Variants in BAHD1 observed in about 807,000 individuals in gnomAD.
BAHD1 encodes bromo adjacent homology domain containing 1.
BAHD1 carries 20 observed loss-of-function variants against 63.1 expected under a neutral mutation model. The ratio of observed to expected loss-of-function variants is 0.32; its 90% CI spans 0.22 to 0.46. The LOEUF (loss-of-function observed/expected upper bound fraction) is 0.46, where lower values mean the gene tolerates loss of function less well. Among genes scored for constraint, BAHD1 ranks in the 20% least tolerant of loss-of-function variants. The pLI, the probability that BAHD1 is intolerant of heterozygous loss-of-function variation, is 1.00. For synonymous variants in BAHD1, 408 were observed against 426.8 expected (o/e 0.96, Z 0.54); for missense variants, 939 against 1,071.8 (o/e 0.88, Z 1.73).
chr15:40,440,763 C>T, upstream of BAHD1, among the ~76,000 whole-genome samples: 1 of 152,078 alleles, frequency 6.6e-6, no homozygotes, highest in East Asian at 1.9e-4. Context: ...TCGTGCTGCC[C>T]CCTGCGTTGG....
At chr15:40,454,222 C>A (rs1400167202) in intron 1 of BAHD1, 1 of 152,228 alleles carries the variant, frequency 6.6e-6, no homozygotes, top group African/African-American at 2.4e-5. Context: ...GCCAGCACCC[C>A]GTGCTCCCCT....
At chr15:40,448,616 A>C (rs1479294877) in intron 1 of BAHD1, among the ~76,000 whole-genome samples, 1 of 152,116 alleles carries the variant, frequency 6.6e-6, no homozygotes, top group Non-Finnish European at 1.5e-5. Context: ...GGTTCATTAC[A>C]GCTTCCACCT....
Position 40,458,740 on chromosome 15 carries a change from A to C in BAHD1, c.276A>C (p.Leu92=), listed in dbSNP as rs752012097. The change falls in exon 2 of 7, where the codon CTA becomes CTC. Residue 92 remains leucine, a synonymous_variant. Transcript: ENST00000416165. This position sits in a 1 kb window ranked among gnomAD's most constrained non-coding sequence, Gnocchi z 4.7. ...GPRSADEADE[L]PPDLPKPPSP... Reference sequence around the variant, plus strand: ...GGAGTGCAGATGAGGCTGATGAGCTACCGCCTGACCTGCCCAAGCCCCCCA... The same window carrying C: ...GGAGTGCAGATGAGGCTGATGAGCTCCCGCCTGACCTGCCCAAGCCCCCCA... 6.2e-7 allele frequency: 1 copy of C among 1,613,340 alleles called. No individual in the cohort carries two copies. Among genetic ancestry groups the C allele is most frequent in the Non-Finnish European group, 8.5e-7 (1 of 1,180,020 alleles).
At chr15:40,464,334 TGGGGCA>T in intron 4 of BAHD1, 131 bp from the exon 5 acceptor site, 1 of 753,168 alleles carries the variant, frequency 1.3e-6, no homozygotes, top group African/African-American at 1.7e-5. Flanking sequence ...ATGCTTGGCC[TGGGGCA>T]GGGGACATGG....
chr15:40,463,194 A>G (rs1894103037), intron 3 of BAHD1, among the ~76,000 whole-genome samples: 1 of 152,054 alleles, frequency 6.6e-6, no homozygotes, highest in African/African-American at 2.4e-5. Flanking sequence ...AGTCCCAGCT[A>G]CTTGAGAGTC....
chr15:40,457,884 G>A (rs1893894981), intron 1 of BAHD1, among the ~76,000 whole-genome samples: 3 of 152,142 alleles, frequency 2.0e-5, no homozygotes, highest in Non-Finnish European at 4.4e-5. Context: ...GTGGTGGCGG[G>A]CACCTGTAGT....
intron 1 of BAHD1, among the ~76,000 whole-genome samples, chr15:40,447,396 G>T (rs140115228): frequency 0.02 from 3,096 of 151,968 alleles, 106 homozygotes; most frequent in African/African-American, 0.071. Context: ...CTGAAACCCC[G>T]TCTCTACTAA....
Position 40,458,989 on chromosome 15 carries a change from C to A in BAHD1, c.525C>A (p.Asp175Glu), listed in dbSNP as rs377354560. The A allele has an allele frequency of 3.8e-6, 6 of 1,585,024 alleles. No individual in the cohort carries two copies. The highest frequency in any genetic ancestry group is 1.3e-5 in the African/African-American group (1 of 74,300). Reference protein sequence around the residue: ...SSSKKRPRLGDLGGGSRDLSP... With the variant: ...SSSKKRPRLGELGGGSRDLSP... Reference sequence around the variant, plus strand: ...CCAAGAAGCGGCCCCGGCTGGGGGACCTTGGAGGAGGAAGTCGGGACCTGT... The same window carrying A: ...CCAAGAAGCGGCCCCGGCTGGGGGAACTTGGAGGAGGAAGTCGGGACCTGT... Residue 175 changes from aspartate to glutamate, a missense_variant, in exon 2 of 7, where the codon GAC becomes GAA. By Grantham distance (45) the Asp-to-Glu change is conservative. Coordinates refer to ENST00000416165, the MANE Select transcript of BAHD1 (RefSeq NM_014952.5). The surrounding 1 kb of genome is among the most constrained non-coding windows in gnomAD (Gnocchi z 4.7).
chr15:40,458,762 C>A lies in BAHD1; in HGVS notation c.298C>A (p.Pro100Thr). The change falls in exon 2 of 7, where the codon CCC becomes ACC. Residue 100 changes from proline (P) to threonine (T), a missense_variant. Physicochemically the swap from Pro to Thr is conservative, Grantham distance 38. Transcript: ENST00000416165. The surrounding 1 kb of genome is among the most constrained non-coding windows in gnomAD (Gnocchi z 4.7). Reference protein sequence around the residue: ...DELPPDLPKPPSPAPSSEDPG... With the variant: ...DELPPDLPKPTSPAPSSEDPG... ...GCTACCGCCTGACCTGCCCAAGCCC[C>A]CCAGCCCGGCCCCATCCAGTGAAGA... 1 of 1,613,304 alleles carries A rather than the reference C, an allele frequency of 6.2e-7. No individual in the cohort carries two copies. Among genetic ancestry groups the A allele is most frequent in the Non-Finnish European group, 8.5e-7 (1 of 1,180,020 alleles).
chr15:40,442,566 C>T (rs1893434409), intron 1 of BAHD1, among the ~76,000 whole-genome samples: 1 of 152,120 alleles, frequency 6.6e-6, no homozygotes, highest in Non-Finnish European at 1.5e-5. Context: ...GAAGTCTAAC[C>T]CCACCTGGGA....
intron 2 of BAHD1, among the ~76,000 whole-genome samples, chr15:40,460,139 C>T (rs563229841): frequency 8.5e-5 from 13 of 152,284 alleles, no homozygotes; most frequent in African/African-American, 3.1e-4. Context: ...GATTCTTGGC[C>T]TGGCAGTTAG....
intron 1 of BAHD1, chr15:40,443,230 A>G: frequency 1.0e-6 from 1 of 983,744 alleles, no homozygotes. Flanking sequence ...TTCAGAGGGT[A>G]GCATGGGCAT....
At chr15:40,462,507 G>A (rs1894080253) in intron 3 of BAHD1, among the ~76,000 whole-genome samples, 1 of 151,964 alleles carries the variant, frequency 6.6e-6, no homozygotes. Flanking sequence ...CCCCAGGGAG[G>A]TCAGGAGACA....
chr15:40,447,245 C>A (rs1037436974), intron 1 of BAHD1, among the ~76,000 whole-genome samples: 2 of 152,114 alleles, frequency 1.3e-5, no homozygotes, highest in Admixed American at 6.5e-5. Flanking sequence ...GGGGTTTCCA[C>A]ATTGGCTAGA....
chr15:40,465,694 G>A (rs1418403387), intron 6 of BAHD1, among the ~76,000 whole-genome samples: 2 of 152,190 alleles, frequency 1.3e-5, no homozygotes, highest in Non-Finnish European at 2.9e-5. Flanking sequence ...ACTGCTCTTG[G>A]AAAAAATTTA....
At chr15:40,451,895 C>T (rs1047369209) in intron 1 of BAHD1, among the ~76,000 whole-genome samples, 1 of 151,472 alleles carries the variant, frequency 6.6e-6, no homozygotes, top group African/African-American at 2.4e-5. Flanking sequence ...TTAAGAAAGC[C>T]TCTAAAGACT....
chr15:40,456,336 AAG>A (rs1893849332), intron 1 of BAHD1, among the ~76,000 whole-genome samples: 2 of 152,180 alleles, frequency 1.3e-5, no homozygotes, highest in South Asian at 4.1e-4. Flanking sequence ...AGAAGCAGGA[AAG>A]AGACTTACGG....
At chr15:40,464,999 T>G in intron 5 of BAHD1, 1 of 401,664 alleles carries the variant, frequency 2.5e-6, no homozygotes, top group Non-Finnish European at 4.6e-6. Context: ...GGGCTCACCT[T>G]TTATTTCACT....
chr15:40,463,277 C>T (rs2141546726), intron 3 of BAHD1, among the ~76,000 whole-genome samples: 1 of 152,096 alleles, frequency 6.6e-6, no homozygotes, highest in East Asian at 1.9e-4. Flanking sequence ...TGCATTCCAG[C>T]CTGGGTGACA....
Sources: gnomAD v4.1 joint callset for allele counts (sites outside exome capture counted in the v4.1 genomes callset) on GRCh38, gnomAD v4.1.1 for gene constraint, Gnocchi (gnomAD v3.1) non-coding constraint, MANE v1.5 for transcripts, NCBI Gene and HGNC (gene_info 2026-07-23, HGNC 2026-07-21) for gene names.